The following TBC1D19 variants were observed in gnomAD, a reference collection of about 807,000 sequenced individuals.
TBC1D19 encodes TBC1 domain family member 19.
A neutral mutation model predicts 89.0 loss-of-function variants in TBC1D19; 60 were observed. The ratio of observed to expected loss-of-function variants is 0.67; its 90% CI spans 0.55 to 0.84. The LOEUF (loss-of-function observed/expected upper bound fraction) is 0.84. Ranked by LOEUF, TBC1D19 falls within the 40% of genes least tolerant of loss-of-function variation. The probability of loss-of-function intolerance (pLI) is 0.00; values close to 1 mark genes in which losing one functional copy is unlikely to be tolerated. For synonymous variants in TBC1D19, 189 were observed against 199.7 expected (o/e 0.95, Z 0.45); for missense variants, 500 against 610.8 (o/e 0.82, Z 1.91).
At position 26,594,211 on chromosome 4, in the gene TBC1D19, A is replaced by G. The variant is rs144886633; in HGVS notation, c.99+9919A>G. 7.2e-5 allele frequency among the ~76,000 whole-genome samples: 11 copies of G among 152,212 alleles called. No homozygotes were observed. In the East Asian group the frequency reaches 2.1e-3, roughly 29 times the overall value. Reference sequence around the variant, plus strand: ...TGTAGGGACATGGATGAAGCTGGAAACCATCATTTTCAGCAAACTATCGCA... The same window carrying G: ...TGTAGGGACATGGATGAAGCTGGAAGCCATCATTTTCAGCAAACTATCGCA... On this transcript the variant is annotated intron_variant, in intron 1 of 20. Transcript: ENST00000264866.
chr4:26,681,962 C>G (rs1219472546), intron 11 of TBC1D19, among the ~76,000 whole-genome samples: 1 of 152,046 alleles, frequency 6.6e-6, no homozygotes, highest in East Asian at 1.9e-4. Flanking sequence ...ACAAATAACA[C>G]CACAAATACA....
intron 1 of TBC1D19, among the ~76,000 whole-genome samples, chr4:26,590,573 A>T (rs1739705634): frequency 6.6e-6 from 1 of 152,100 alleles, no homozygotes; most frequent in African/African-American, 2.4e-5. Flanking sequence ...CTGTGTCTGC[A>T]GTTTTCTATT....
chr4:26,636,488 T>TAAAAAAAAAAAAAAAAAAAAAA (rs71643685), intron 4 of TBC1D19, among the ~76,000 whole-genome samples: 1 of 131,028 alleles, frequency 7.6e-6, no homozygotes. Flanking sequence ...GTCAGTATCA[T>TAAAAAAAAAAAAAAAAAAAAAA]AAAAAAAAAA....
intron 1 of TBC1D19, among the ~76,000 whole-genome samples, chr4:26,601,622 G>A (rs1000936035): frequency 2.6e-5 from 4 of 152,140 alleles, no homozygotes; most frequent in Non-Finnish European, 4.4e-5. Context: ...AGCTTATCTA[G>A]GTTGAGTAGA....
chr4:26,593,686 A>T (rs1739990464), intron 1 of TBC1D19, among the ~76,000 whole-genome samples: 1 of 152,244 alleles, frequency 6.6e-6, no homozygotes, highest in Non-Finnish European at 1.5e-5. Context: ...AAAGGATATG[A>T]ACAGACACTT....
At chr4:26,658,524 G>C (rs1430105240) in intron 7 of TBC1D19, among the ~76,000 whole-genome samples, 1 of 152,156 alleles carries the variant, frequency 6.6e-6, no homozygotes, top group Non-Finnish European at 1.5e-5. Context: ...GAAGTGTGAT[G>C]CCTCCAGCTT....
Position 26,672,172 on chromosome 4 carries a change from C to A in TBC1D19, c.688C>A (p.Arg230Ser). 1 of 1,280,304 alleles carries A rather than the reference C, an allele frequency of 7.8e-7. No individual in the cohort carries two copies. The allele number at this position is 1,280,304 out of a possible 1,614,324, so 79.3% of individuals were successfully genotyped here. ...PPELFENEHVRIGQKVLAEQD... is the reference protein window; with the variant it reads ...PPELFENEHVSIGQKVLAEQD... ...AGAACTTTTTGAAAATGAACATGTA[C>A]GTATTGGGCAAAAAGGTAAGCTTTT... is the stretch of plus-strand genomic sequence containing the variant. The change falls in exon 10 of 21, where the codon CGT (arginine) becomes AGT (serine). Residue 230 changes from arginine (R) to serine (S), a missense_variant. Physicochemically the swap from Arg to Ser is moderately radical, Grantham distance 110. Coordinates refer to ENST00000264866, the MANE Select transcript of TBC1D19 (RefSeq NM_018317.4).
chr4:26,588,398 T>C (rs1739562073), intron 1 of TBC1D19, among the ~76,000 whole-genome samples: 1 of 128,706 alleles, frequency 7.8e-6, no homozygotes, highest in Non-Finnish European at 1.8e-5. Flanking sequence ...AAGTAGCTCT[T>C]GGTTTGATTG....
chr4:26,643,402 G>T (rs1224034361), intron 7 of TBC1D19, among the ~76,000 whole-genome samples: 2 of 152,170 alleles, frequency 1.3e-5, no homozygotes, highest in African/African-American at 4.8e-5. Context: ...AAACATACCA[G>T]AATCTCTGGG....
Position 26,717,959 on chromosome 4 carries a change from A to T in TBC1D19, c.981A>T (p.Thr327=). The T allele has an allele frequency of 6.2e-7, 1 of 1,612,342 alleles. No homozygotes were observed. Among genetic ancestry groups the T allele is most frequent in the Non-Finnish European group, 8.5e-7 (1 of 1,179,092 alleles). ...YQVLLCFSRD[T]SVLSHFAFNS... The stretch of plus-strand genomic sequence containing the variant: ...TATTACTTTGTTTTTCCCGGGATAC[A>T]TCTGTGTTGAGTCACTTTGCATTCA... The change falls in exon 14 of 21, where the codon ACA becomes ACT. Residue 327 remains threonine (T), a synonymous_variant. Coordinates refer to ENST00000264866, the MANE Select transcript of TBC1D19 (RefSeq NM_018317.4).
chr4:26,757,126 G>C (rs1578025288), downstream of TBC1D19, among the ~76,000 whole-genome samples: 1 of 151,996 alleles, frequency 6.6e-6, no homozygotes, highest in Admixed American at 6.6e-5. Context: ...TGATTCTCCT[G>C]CCTCAGCCTC....
chr4:26,694,904 A>T (rs1453003775), intron 13 of TBC1D19, among the ~76,000 whole-genome samples: 1 of 152,236 alleles, frequency 6.6e-6, no homozygotes, highest in African/African-American at 2.4e-5. Flanking sequence ...CGTCACCATC[A>T]TCAAAGACCA....
At chr4:26,688,444 T>C in intron 13 of TBC1D19, 37 bp downstream of exon 13, 3 of 1,493,498 alleles carry the variant, frequency 2.0e-6, no homozygotes, top group Non-Finnish European at 2.7e-6. Flanking sequence ...TGTTCTTGTT[T>C]TAGGTTCTCT....
intron 13 of TBC1D19, among the ~76,000 whole-genome samples, chr4:26,717,469 ACTG>A (rs1419112315): frequency 6.6e-6 from 1 of 151,998 alleles, no homozygotes; most frequent in Non-Finnish European, 1.5e-5. Context: ...CACTTGTTCT[ACTG>A]CTGCTGCTGT....
chr4:26,605,074 T>G (rs1022035347), intron 1 of TBC1D19, among the ~76,000 whole-genome samples: 1 of 151,998 alleles, frequency 6.6e-6, no homozygotes, highest in Non-Finnish European at 1.5e-5. Flanking sequence ...TTATTATACT[T>G]TAAGTTTTAG....
intron 1 of TBC1D19, among the ~76,000 whole-genome samples, chr4:26,591,844 A>T (rs778737648): frequency 7.9e-5 from 12 of 152,190 alleles, no homozygotes; most frequent in Admixed American, 7.8e-4. Flanking sequence ...AGGCAATAAT[A>T]AATAGCTTAC....
the TBC1D19 span, among the ~76,000 whole-genome samples, chr4:26,825,640 G>A: frequency 2.2e-4 from 33 of 152,292 alleles, no homozygotes; most frequent in African/African-American, 7.9e-4. Flanking sequence ...GATCTGAGAG[G>A]TGCTATTGTG....
the TBC1D19 span, among the ~76,000 whole-genome samples, chr4:26,796,737 A>G: frequency 1.3e-5 from 2 of 152,210 alleles, no homozygotes; most frequent in African/African-American, 4.8e-5. Context: ...AAAAGAAAAT[A>G]GAGAATCCTG....
chr4:26,729,897 A>G (rs1353096439), intron 15 of TBC1D19, among the ~76,000 whole-genome samples: 1 of 152,242 alleles, frequency 6.6e-6, no homozygotes, highest in Non-Finnish European at 1.5e-5. Flanking sequence ...TTTGTTAATT[A>G]GATGAGTAGG....
Sources: gnomAD v4.1 joint callset for allele counts (sites outside exome capture counted in the v4.1 genomes callset) on GRCh38, gnomAD v4.1.1 for gene constraint, MANE v1.5 for transcripts, NCBI Gene and HGNC (gene_info 2026-07-23, HGNC 2026-07-21) for gene names.